Variants in VGLL4 observed in about 807,000 individuals in gnomAD.
VGLL4 encodes the protein vestigial like family member 4.
A neutral mutation model predicts 21.0 loss-of-function variants in VGLL4; 7 were observed. The ratio of observed to expected loss-of-function variants is 0.33; its 90% CI spans 0.19 to 0.63. VGLL4 has a LOEUF of 0.63. Among genes scored for constraint, VGLL4 ranks in the 20% least tolerant of loss-of-function variants. VGLL4 has a pLI of 0.78. For missense variants in VGLL4, 394 were observed against 425.7 expected, an observed-to-expected ratio of 0.93 and a Z score of 0.66; for synonymous variants, 222 against 173.2, an observed-to-expected ratio of 1.28 and a Z score of -2.21.
chr3:11,685,197 G>A (rs2076429125), intron 2 of VGLL4, among the ~76,000 whole-genome samples: 2 of 112,574 alleles, frequency 1.8e-5, no homozygotes, highest in Middle Eastern at 5.4e-3. Flanking sequence ...ATTCCATGGT[G>A]TTGTTTTTTT....
At chr3:11,693,993 C>T (rs2076569112) in intron 2 of VGLL4, among the ~76,000 whole-genome samples, 1 of 152,070 alleles carries the variant, frequency 6.6e-6, no homozygotes, top group Admixed American at 6.6e-5. Flanking sequence ...AGGCTGCTTC[C>T]GTTCAATTCT....
In VGLL4 at chr3:11,558,499, T is replaced by G. The variant is rs1254669982; in HGVS notation, c.*57A>C. 3 of 1,186,416 alleles carry G rather than the reference T, an allele frequency of 2.5e-6. No individual in the cohort carries two copies. The highest frequency in any genetic ancestry group is 3.4e-6 in the Non-Finnish European group (3 of 877,586). The allele number at this position is 1,186,416 out of a possible 1,614,324, so 73.5% of individuals were successfully genotyped here. The stretch of plus-strand genomic sequence containing the variant: ...GATTTTTTTTTTTTTAAGTACTGAC[T>G]GTTCAAAGCTCAGGCAAACCATGCA... On this transcript the variant is annotated 3_prime_UTR_variant, in exon 5 of 5. Coordinates refer to ENST00000430365, the MANE Select transcript of VGLL4 (RefSeq NM_001128219.3).
At chr3:11,648,038 T>C (rs991457424), upstream of VGLL4, among the ~76,000 whole-genome samples, 5 of 151,714 alleles carry the variant, frequency 3.3e-5, no homozygotes, top group Non-Finnish European at 4.4e-5. Flanking sequence ...GATTCATTCA[T>C]AGGATAATAT....
chr3:11,599,761 C>A (rs745740444), intron 2 of VGLL4, among the ~76,000 whole-genome samples: 4 of 149,420 alleles, frequency 2.7e-5, no homozygotes, highest in Admixed American at 2.0e-4. Context: ...CTCAGGTGAT[C>A]CACCCACCTT....
intron 2 of VGLL4, among the ~76,000 whole-genome samples, chr3:11,700,609 A>G (rs1438315439): frequency 6.6e-6 from 1 of 152,136 alleles, no homozygotes; most frequent in Non-Finnish European, 1.5e-5. Flanking sequence ...AATCCTCATC[A>G]GATCACATAG....
chr3:11,581,078 T>TAAA (rs78523823), intron 2 of VGLL4, among the ~76,000 whole-genome samples: 2 of 146,944 alleles, frequency 1.4e-5, no homozygotes, highest in Non-Finnish European at 3.0e-5. Context: ...TTTTTTTTTT[T>TAAA]AAAAAAAAAG....
intron 2 of VGLL4, among the ~76,000 whole-genome samples, chr3:11,567,880 G>C (rs1008213827): frequency 6.6e-6 from 1 of 152,218 alleles, no homozygotes; most frequent in African/African-American, 2.4e-5. Flanking sequence ...TCCACCCCAG[G>C]TGATGCTTCC....
At chr3:11,560,062 A>T (rs1045954493) in intron 3 of VGLL4, among the ~76,000 whole-genome samples, 2 of 146,714 alleles carry the variant, frequency 1.4e-5, no homozygotes, top group African/African-American at 5.1e-5. Flanking sequence ...CTTCACCCCC[A>T]CCCCCACGCT....
chr3:11,662,931 T>C lies in VGLL4; in HGVS notation c.64+40040A>G, dbSNP rs76168227. On this transcript the variant is annotated intron_variant, in intron 2 of 5. Coordinates refer to the VGLL4 transcript ENST00000273038. The stretch of plus-strand genomic sequence containing the variant: ...GACTTTCTTCACAAACCGAGTTTTC[T>C]TTTTTTAAAAAACACATTTTATAAC... Among the ~76,000 whole-genome samples, 1,336 of 152,306 alleles carry C rather than the reference T, an allele frequency of 8.8e-3. 23 individuals carry two copies. Among genetic ancestry groups the C allele is most frequent in the African/African-American group, 0.031 (1,270 of 41,564 alleles).
rs549642272 is a variant in VGLL4, at chr3:11,709,238, C to T, written c.-13-6191G>A. Among the ~76,000 whole-genome samples the T allele has an allele frequency of 9.9e-5, 15 of 151,716 alleles. No individual in the cohort carries two copies. In the South Asian group the frequency reaches 2.3e-3, roughly 23 times the overall value. On this transcript the variant is annotated intron_variant, in intron 1 of 5. Transcript: ENST00000273038. ...GGATCACAAGGTCAGGAGTTCAAGA[C>T]GAGCCTGGCCAACATAGAGAAACCC...
chr3:11,597,945 T>A (rs2074687273), intron 2 of VGLL4, among the ~76,000 whole-genome samples: 2 of 152,196 alleles, frequency 1.3e-5, no homozygotes, highest in Non-Finnish European at 2.9e-5. Flanking sequence ...ATTTTCAAAA[T>A]TCTGAAGAAA....
At chr3:11,659,258 A>G (rs12497447) in intron 2 of VGLL4, among the ~76,000 whole-genome samples, 17 of 151,398 alleles carry the variant, frequency 1.1e-4, no homozygotes, top group East Asian at 7.7e-4. Context: ...CAAACAAACA[A>G]TAGAAGGCAG....
intron 2 of VGLL4, among the ~76,000 whole-genome samples, chr3:11,573,296 AAAGAAAGAAAGG>A (rs1479144623): frequency 2.8e-3 from 32 of 11,344 alleles, no homozygotes; most frequent in East Asian, 0.011. Context: ...AGAAAGAAAG[AAAGAAAGAAAGG>A]AAGGAAGGAA....
At chr3:11,701,579 G>C (rs2076681154) in intron 2 of VGLL4, among the ~76,000 whole-genome samples, 1 of 152,218 alleles carries the variant, frequency 6.6e-6, no homozygotes, top group African/African-American at 2.4e-5. Context: ...TAATCAGTAA[G>C]CTCAGTACAC....
At chr3:11,713,142 G>A (rs2076871310) in intron 1 of VGLL4, among the ~76,000 whole-genome samples, 1 of 152,178 alleles carries the variant, frequency 6.6e-6, no homozygotes, top group Non-Finnish European at 1.5e-5. Context: ...TGCTCAGGAA[G>A]ACCTGTGGTC....
At chr3:11,576,756 A>G (rs139326036) in intron 2 of VGLL4, among the ~76,000 whole-genome samples, 1 of 152,186 alleles carries the variant, frequency 6.6e-6, no homozygotes, top group Non-Finnish European at 1.5e-5. Context: ...GCTCCGCTGG[A>G]AAGGCCTTTC....
chr3:11,686,501 G>C (rs776967186), intron 2 of VGLL4, among the ~76,000 whole-genome samples: 17 of 152,244 alleles, frequency 1.1e-4, no homozygotes, highest in Non-Finnish European at 2.1e-4. Context: ...CCAGGGGCTG[G>C]TAAATGGGGA....
rs201420721 is a variant in VGLL4, at chr3:11,660,674, T to TTTTTG, written c.64+42292_64+42296dup. 3.4e-3 allele frequency among the ~76,000 whole-genome samples: 512 copies of TTTTTG among 152,328 alleles called. 2 individuals carry two copies. The highest frequency in any genetic ancestry group is 0.012 in the African/African-American group (480 of 41,576). The stretch of plus-strand genomic sequence containing the variant: ...ATGGTGGGGTTTCTTGTTGTTGTTG[T>TTTTTG]TTTTGTTTTGTTTTGTTTTTAATAT... On this transcript the variant is annotated intron_variant, in intron 2 of 5. Coordinates refer to the VGLL4 transcript ENST00000273038.
intron 2 of VGLL4, among the ~76,000 whole-genome samples, chr3:11,580,034 G>A (rs2074182040): frequency 6.6e-6 from 1 of 151,948 alleles, no homozygotes; most frequent in Non-Finnish European, 1.5e-5. Context: ...TTTTTACTAT[G>A]GTAAAGTACT....
Sources: gnomAD v4.1 joint callset for allele counts (sites outside exome capture counted in the v4.1 genomes callset) on GRCh38, gnomAD v4.1.1 for gene constraint, MANE v1.5 for transcripts, NCBI Gene and HGNC (gene_info 2026-07-23, HGNC 2026-07-21) for gene names.